The following RNF150 variants were observed in gnomAD, a reference collection of about 807,000 sequenced individuals.
RNF150 encodes the protein ring finger protein 150.
In RNF150, 24 loss-of-function variants were observed where a neutral mutation model predicts 39.3. The ratio of observed to expected loss-of-function variants is 0.61; its 90% CI spans 0.44 to 0.86. RNF150 has a LOEUF of 0.86. Ranked by LOEUF, RNF150 falls within the 40% of genes least tolerant of loss-of-function variation. The probability of loss-of-function intolerance (pLI) is 0.00; values close to 1 mark genes in which losing one functional copy is unlikely to be tolerated. For synonymous variants in RNF150, 255 were observed against 227.3 expected, an observed-to-expected ratio of 1.12 and a Z score of -1.10; for missense variants, 502 against 587.8, an observed-to-expected ratio of 0.85 and a Z score of 1.51.
intron 1 of RNF150, among the ~76,000 whole-genome samples, chr4:141,161,128 C>G (rs988940378): frequency 2.0e-5 from 3 of 152,060 alleles, no homozygotes; most frequent in Non-Finnish European, 4.4e-5. Context: ...GACCGAAGCG[C>G]TGATAGTGAT....
At chr4:140,941,052 C>T (rs1732063761) in intron 4 of RNF150, among the ~76,000 whole-genome samples, 2 of 151,950 alleles carry the variant, frequency 1.3e-5, no homozygotes, top group African/African-American at 4.8e-5. Context: ...TCCAAAAATA[C>T]ATTGTAAAAG....
intron 1 of RNF150, among the ~76,000 whole-genome samples, chr4:140,985,317 CA>C (rs1325461145): frequency 6.6e-6 from 1 of 152,096 alleles, no homozygotes. Flanking sequence ...CCAATTAACA[CA>C]AAAATAGTTG....
intron 1 of RNF150, among the ~76,000 whole-genome samples, chr4:141,209,854 G>A (rs1728435611): frequency 6.6e-6 from 1 of 151,920 alleles, no homozygotes; most frequent in Non-Finnish European, 1.5e-5. Flanking sequence ...AGACAAAAAA[G>A]AACCCTATAA....
chr4:141,048,845 T>C (rs1736676322), intron 1 of RNF150, among the ~76,000 whole-genome samples: 1 of 152,218 alleles, frequency 6.6e-6, no homozygotes, highest in African/African-American at 2.4e-5. Flanking sequence ...TTTAGACACG[T>C]ATATAGCTTT....
chr4:140,997,954 C>T (rs1734443655), intron 1 of RNF150, among the ~76,000 whole-genome samples: 1 of 152,036 alleles, frequency 6.6e-6, no homozygotes, highest in Admixed American at 6.5e-5. Flanking sequence ...TTTTGAATTC[C>T]ATATCATACT....
At chr4:141,093,385 GGA>G (rs1029180738) in intron 1 of RNF150, among the ~76,000 whole-genome samples, 8 of 151,128 alleles carry the variant, frequency 5.3e-5, no homozygotes, top group African/African-American at 1.7e-4. Flanking sequence ...AAAAGGGGGG[GGA>G]AAGGGAACTG....
At chr4:141,147,057 C>T (rs567375269) in intron 1 of RNF150, among the ~76,000 whole-genome samples, 6 of 152,258 alleles carry the variant, frequency 3.9e-5, no homozygotes, top group Non-Finnish European at 5.9e-5. Flanking sequence ...CGTGCTCAAT[C>T]GCTCCTCCCA....
intron 1 of RNF150, among the ~76,000 whole-genome samples, chr4:141,076,024 C>A (rs373705957): frequency 2.5e-3 from 375 of 152,226 alleles, no homozygotes; most frequent in African/African-American, 8.6e-3. Context: ...ATCATACTAT[C>A]CAGTCAATAA....
chr4:141,042,191 T>A (rs887210443), intron 1 of RNF150, among the ~76,000 whole-genome samples: 3 of 152,078 alleles, frequency 2.0e-5, no homozygotes, highest in Non-Finnish European at 2.9e-5. Context: ...GTGAATCAGA[T>A]TCAATTTACT....
At chr4:140,932,713 C>T (rs1731699214) in intron 4 of RNF150, among the ~76,000 whole-genome samples, 1 of 152,244 alleles carries the variant, frequency 6.6e-6, no homozygotes, top group Non-Finnish European at 1.5e-5. Flanking sequence ...CCCAGTATGT[C>T]AGCTCTCCAT....
chr4:140,956,279 G>C (rs1579001549), intron 2 of RNF150, among the ~76,000 whole-genome samples: 1 of 152,148 alleles, frequency 6.6e-6, no homozygotes, highest in Non-Finnish European at 1.5e-5. Context: ...TGTTTGCCTT[G>C]CCATCCTGCA....
intron 1 of RNF150, among the ~76,000 whole-genome samples, chr4:140,983,825 T>C (rs946733110): frequency 6.6e-6 from 1 of 151,182 alleles, no homozygotes. Flanking sequence ...CTGCAGCCTC[T>C]GCCTTCCAGG....
rs528021721 is a variant in RNF150 at position 141,003,050 on chromosome 4, T to C, written c.485-35177A>G. On this transcript the variant is annotated intron_variant, in intron 1 of 6. Transcript: ENST00000515673. Reference sequence around the variant, plus strand: ...TAGGTTTGCCACCACTACTGTAAAGTGATTGTAATTAATTTACAGACTCAG... The same window carrying C: ...TAGGTTTGCCACCACTACTGTAAAGCGATTGTAATTAATTTACAGACTCAG... Among the ~76,000 whole-genome samples, 12 of 152,198 alleles carry C rather than the reference T, an allele frequency of 7.9e-5. No homozygotes were observed. In the South Asian group the frequency reaches 2.5e-3, roughly 32 times the overall value.
At chr4:141,075,241 T>C (rs984198319) in intron 1 of RNF150, among the ~76,000 whole-genome samples, 1 of 152,248 alleles carries the variant, frequency 6.6e-6, no homozygotes, top group South Asian at 2.1e-4. Flanking sequence ...CTCTGCACTG[T>C]AATGCGAAAG....
At chr4:141,028,644 T>C (rs1383490893) in intron 1 of RNF150, among the ~76,000 whole-genome samples, 2 of 152,206 alleles carry the variant, frequency 1.3e-5, no homozygotes, top group African/African-American at 4.8e-5. Context: ...AAGTTAAATA[T>C]TGATTATGAC....
intron 1 of RNF150, among the ~76,000 whole-genome samples, chr4:141,039,372 GAGAA>G (rs1401055564): frequency 6.6e-6 from 1 of 150,716 alleles, no homozygotes; most frequent in Non-Finnish European, 1.5e-5. Flanking sequence ...GAAGGAGGTA[GAGAA>G]AGAAAGGGGA....
intron 6 of RNF150, among the ~76,000 whole-genome samples, chr4:140,876,478 A>G (rs953078363): frequency 2.6e-5 from 4 of 152,208 alleles, no homozygotes; most frequent in Non-Finnish European, 5.9e-5. Flanking sequence ...ATGTTTTCCC[A>G]TTTATGAGTG....
rs869289733 is a variant in RNF150 at position 141,151,409 on chromosome 4, GAC to G, written c.-6+61383_-6+61384del. Among the ~76,000 whole-genome samples the G allele has an allele frequency of 6.7e-3, 821 of 121,980 alleles. 7 individuals are homozygous for G. The highest frequency in any genetic ancestry group is 0.02 in the African/African-American group (702 of 34,374). 80.0% of individuals were successfully genotyped at this position (121,980 alleles called of 152,430 possible). A position where few individuals can be genotyped will look rare whatever the true frequency, so the allele number is the denominator to read the frequency against. On this transcript the variant is annotated intron_variant, in intron 1 of 7. Coordinates refer to the RNF150 transcript ENST00000420921. ...AATGTAGTGAAACCCCATCTCTACA[GAC>G]ACACACACACACACACACACACACA...
intron 1 of RNF150, among the ~76,000 whole-genome samples, chr4:141,193,161 G>A (rs946843254): frequency 1.3e-5 from 2 of 152,184 alleles, no homozygotes; most frequent in African/African-American, 4.8e-5. Context: ...TGTAATGTAA[G>A]CTGTAAGGAC....
Sources: allele counts gnomAD v4.1 joint callset (sites outside exome capture counted in the v4.1 genomes callset), GRCh38; gene constraint gnomAD v4.1.1; transcripts MANE v1.5; gene names NCBI Gene and HGNC (gene_info 2026-07-23, HGNC 2026-07-21).